MCMBP: variants seen among roughly 807,000 people sequenced by gnomAD.
MCMBP encodes the protein mini-chromosome maintenance complex-binding protein.
In MCMBP, 31 loss-of-function variants were observed where a neutral mutation model predicts 81.3. The ratio of observed to expected loss-of-function variants is 0.38; its 90% CI spans 0.29 to 0.51. The LOEUF is 0.51. MCMBP is among the 20% of genes least tolerant of loss of function. The probability of loss-of-function intolerance (pLI) is 0.87; values close to 1 mark genes in which losing one functional copy is unlikely to be tolerated. For synonymous variants in MCMBP, 267 were observed against 275.9 expected, an observed-to-expected ratio of 0.97 and a Z score of 0.32; for missense variants, 645 against 772.1, an observed-to-expected ratio of 0.84 and a Z score of 1.95.
intron 8 of MCMBP, among the ~76,000 whole-genome samples, chr10:119,845,234 A>T (rs1420471717): frequency 2.6e-5 from 4 of 151,226 alleles, no homozygotes; most frequent in Non-Finnish European, 5.9e-5. Flanking sequence ...GTTTTGTACC[A>T]TTTTTTTTTA....
intron 6 of MCMBP, among the ~76,000 whole-genome samples, chr10:119,852,106 C>T (rs1010279704): frequency 1.5e-5 from 2 of 131,028 alleles, no homozygotes; most frequent in African/African-American, 6.0e-5. Context: ...GAGCCAAGAT[C>T]GTGCCACTGC....
Position 119,857,450 on chromosome 10 carries a change from C to A in MCMBP, c.328-11G>T. 1 of 1,544,354 alleles carries A rather than the reference C, an allele frequency of 6.5e-7. No individual in the cohort carries two copies. Among genetic ancestry groups the A allele is most frequent in the Non-Finnish European group, 8.7e-7 (1 of 1,143,016 alleles). On this transcript the variant is annotated splice_polypyrimidine_tract_variant and intron_variant, in intron 4 of 15. Transcript: ENST00000369077. Reference sequence around the variant, plus strand: ...AAGTTCTTGTTGAGGCTGTGATATACATAAAAAGTGTTTTTAAAAATTTAC... The same window carrying A: ...AAGTTCTTGTTGAGGCTGTGATATAAATAAAAAGTGTTTTTAAAAATTTAC...
intron 7 of MCMBP, among the ~76,000 whole-genome samples, chr10:119,849,018 G>A (rs1343968254): frequency 6.6e-6 from 1 of 152,112 alleles, no homozygotes; most frequent in African/African-American, 2.4e-5. Context: ...GATTATCCTC[G>A]ATTAACTGGC....
intron 14 of MCMBP, 30 bp from the exon 15 acceptor site, chr10:119,832,130 T>A (rs1164768560): frequency 1.3e-6 from 2 of 1,587,994 alleles, no homozygotes; most frequent in Admixed American, 1.8e-5. Context: ...GTAAATGATG[T>A]GCATTTTTGT....
chr10:119,850,481 G>A (rs2134370618), intron 6 of MCMBP, among the ~76,000 whole-genome samples: 1 of 152,266 alleles, frequency 6.6e-6, no homozygotes, highest in Middle Eastern at 3.4e-3. Flanking sequence ...CAGGTGCAGT[G>A]GCTCAAGCCT....
At position 119,872,537 on chromosome 10, in the gene MCMBP, C is replaced by T. The variant is rs990612021; in HGVS notation, c.48G>A (p.Gln16=). ...DWLSHPLGIV[Q]GFFAQNGVNP... ...GGCGCCGCCACTCACCGAAGAATCC[C>T]TGCACGATTCCCAGCGGGTGGCTGA... The change falls in exon 1 of 16, where the codon CAG becomes CAA. Residue 16 remains glutamine, a synonymous_variant. Coordinates refer to ENST00000369077, the MANE Select transcript of MCMBP (RefSeq NM_001256378.2). The T allele has an allele frequency of 8.4e-7, 1 of 1,194,080 alleles. No individual in the cohort carries two copies. The highest frequency in any genetic ancestry group is 1.0e-6 in the Non-Finnish European group (1 of 956,458). 74.0% of individuals were successfully genotyped at this position (1,194,080 alleles called of 1,614,324 possible). A position where few individuals can be genotyped will look rare whatever the true frequency, so the allele number is the denominator to read the frequency against.
Position 119,849,513 on chromosome 10 carries a change from C to G in MCMBP, c.638G>C (p.Gly213Ala). ...CAAGTTCAGAGAGTTCAGCTGTTGC[C>G]CAGTAGAAGCTTCAGTTTCTAAACG... is the stretch of plus-strand genomic sequence containing the variant. ...PKRLETEAST[G>A]QQLNSLNLSS... The change falls in exon 7 of 16, where the codon GGG becomes GCG. Residue 213 changes from glycine to alanine, a missense_variant. By Grantham distance (60) the Gly-to-Ala change is moderately conservative. Coordinates refer to ENST00000369077, the MANE Select transcript of MCMBP (RefSeq NM_001256378.2). 1 of 1,608,766 alleles carries G rather than the reference C, an allele frequency of 6.2e-7. No individual in the cohort carries two copies. The highest frequency in any genetic ancestry group is 8.5e-7 in the Non-Finnish European group (1 of 1,178,566).
intron 14 of MCMBP, among the ~76,000 whole-genome samples, chr10:119,833,879 TAGAG>T (rs1412117533): frequency 1.9e-4 from 29 of 152,058 alleles, no homozygotes; most frequent in South Asian, 4.1e-4. Context: ...AATCACCAAA[TAGAG>T]AGTATCAATA....
chr10:119,831,989 AATAATGGACG>A lies in MCMBP; in HGVS notation c.1796+13_1796+22del. ...ATATACACAAGCTTACCGAAACAGCAATAATGGACGTGCGCCACTTACCGAGCCACCACGA... is the reference window on the plus strand; with the variant it reads ...ATATACACAAGCTTACCGAAACAGCATGCGCCACTTACCGAGCCACCACGA... On this transcript the variant is annotated intron_variant, in intron 15 of 15. Transcript: ENST00000369077. The A allele has an allele frequency of 6.3e-7, 1 of 1,594,542 alleles. No homozygotes were observed. Among genetic ancestry groups the A allele is most frequent in the South Asian group, 1.1e-5 (1 of 88,252 alleles).
At chr10:119,833,478 AAAAAAAAAAGAAAG>A (rs1022859243) in intron 14 of MCMBP, among the ~76,000 whole-genome samples, 12 of 149,254 alleles carry the variant, frequency 8.0e-5, no homozygotes, top group Admixed American at 6.7e-4. Flanking sequence ...CATCACTACA[AAAAAAAAAAGAAAG>A]AAAAAAAAAG....
At chr10:119,869,941 C>G (rs956607130) in intron 1 of MCMBP, among the ~76,000 whole-genome samples, 1 of 152,176 alleles carries the variant, frequency 6.6e-6, no homozygotes, top group Admixed American at 6.5e-5. Context: ...ATAATAGCCC[C>G]TATCCACATG....
At chr10:119,857,202 G>T in intron 5 of MCMBP, 136 bp downstream of exon 5, 1 of 550,052 alleles carries the variant, frequency 1.8e-6, no homozygotes, top group Non-Finnish European at 3.1e-6. Context: ...TACTTAGCCC[G>T]TTTTATGGGT....
intron 10 of MCMBP, 127 bp from the exon 11 acceptor site, chr10:119,841,087 T>C: frequency 1.5e-6 from 1 of 673,086 alleles, no homozygotes. Context: ...TGACCAGTTA[T>C]TTTATCAGAA....
At position 119,840,897 on chromosome 10, in the gene MCMBP, C is replaced by G. The variant is rs1264662482; in HGVS notation, c.1188G>C (p.Arg396=). 3 of 1,610,756 alleles carry G rather than the reference C, an allele frequency of 1.9e-6. No homozygotes were observed. The highest frequency in any genetic ancestry group is 2.7e-5 in the African/African-American group (2 of 74,820). ...KFTVNLSGCP[R]NSTFTEHLYR... Reference sequence around the variant, plus strand: ...ACAAGTGTTCTGTGAAGGTACTATTCCGTGGGCAACCACTCAAGTTAACTG... The same window carrying G: ...ACAAGTGTTCTGTGAAGGTACTATTGCGTGGGCAACCACTCAAGTTAACTG... The change falls in exon 11 of 16, where the codon CGG becomes CGC. Residue 396 remains arginine, a synonymous_variant. Transcript: ENST00000369077.
intron 1 of MCMBP, among the ~76,000 whole-genome samples, chr10:119,863,815 T>A (rs146868873): frequency 7.1e-6 from 1 of 140,550 alleles, no homozygotes; most frequent in Non-Finnish European, 1.5e-5. Context: ...CTAAGTGAGA[T>A]AAGCCAGACG....
intron 1 of MCMBP, among the ~76,000 whole-genome samples, chr10:119,863,045 T>G (rs1853317097): frequency 6.6e-6 from 1 of 152,244 alleles, no homozygotes; most frequent in Non-Finnish European, 1.5e-5. Context: ...TATTCTGGAT[T>G]CAAGTTCTTT....
chr10:119,866,216 C>T (rs1310552590), intron 1 of MCMBP, among the ~76,000 whole-genome samples: 3 of 152,088 alleles, frequency 2.0e-5, no homozygotes, highest in Non-Finnish European at 4.4e-5. Context: ...TCCACCTACA[C>T]GAAACGTCCA....
At chr10:119,845,755 G>C (rs763387898) in intron 8 of MCMBP, among the ~76,000 whole-genome samples, 2 of 152,168 alleles carry the variant, frequency 1.3e-5, no homozygotes, top group African/African-American at 4.8e-5. Context: ...CTAATTACTA[G>C]GTTTCTGTTT....
upstream of MCMBP, chr10:119,873,364 A>T (rs1853784505): frequency 6.6e-6 from 1 of 152,060 alleles, no homozygotes; most frequent in South Asian, 2.1e-4. Flanking sequence ...GAGAAGGGGA[A>T]CCTCGGAGGA....
Sources: allele counts gnomAD v4.1 joint callset (sites outside exome capture counted in the v4.1 genomes callset), GRCh38; gene constraint gnomAD v4.1.1; transcripts MANE v1.5; gene names NCBI Gene and HGNC (gene_info 2026-07-23, HGNC 2026-07-21).